CCDC81: variants seen among roughly 807,000 people sequenced by gnomAD.
CCDC81 encodes coiled-coil domain-containing protein 81.
CCDC81 carries 79 observed loss-of-function variants against 83.7 expected under a neutral mutation model. That is an observed-to-expected ratio of 0.94 (90% CI 0.79 to 1.14). The LOEUF is 1.14. Ranked by LOEUF, CCDC81 falls within the 50% of genes most tolerant of loss-of-function variation. CCDC81 has a pLI of 0.00. For synonymous variants in CCDC81, 252 were observed against 278.1 expected, an observed-to-expected ratio of 0.91 and a Z score of 0.93; for missense variants, 791 against 778.1, an observed-to-expected ratio of 1.02 and a Z score of -0.20.
intron 5 of CCDC81, 57 bp downstream of exon 5, chr11:86,395,470 G>A (rs1203252803): frequency 3.1e-6 from 4 of 1,307,594 alleles, no homozygotes; most frequent in Non-Finnish European, 4.4e-6. Flanking sequence ...CTGATCTGCT[G>A]ATCTCATTGG....
chr11:86,406,367 T>C (rs533761775), intron 7 of CCDC81, among the ~76,000 whole-genome samples: 42 of 152,332 alleles, frequency 2.8e-4, no homozygotes, highest in African/African-American at 9.4e-4. Context: ...TGACTATTCT[T>C]AGGAGTCATG....
chr11:86,382,526 C>T (rs10792853), intron 1 of CCDC81, among the ~76,000 whole-genome samples: 64,900 of 151,756 alleles, frequency 0.43, 14,406 homozygotes, highest in African/African-American at 0.54. Flanking sequence ...AGAAAGATTG[C>T]GGTTTTGGGC....
rs1320073768 is a variant in CCDC81, at chr11:86,415,296, T to A, written c.1674T>A (p.Leu558=). Residue 558 remains leucine (L), a synonymous_variant, in exon 13 of 15, where the codon CTT becomes CTA. Transcript: ENST00000445632. ...LVDQRRDLQM[L]QRTQREHLAD... ...ACCAGAGGCGGGATTTGCAAATGCTTCAGAGGACACAAAGAGAGTAAGGAG... is the reference window on the plus strand; with the variant it reads ...ACCAGAGGCGGGATTTGCAAATGCTACAGAGGACACAAAGAGAGTAAGGAG... 1 of 1,613,860 alleles carries A rather than the reference T, an allele frequency of 6.2e-7. No individual in the cohort carries two copies. Among genetic ancestry groups the A allele is most frequent in the Non-Finnish European group, 8.5e-7 (1 of 1,179,934 alleles).
chr11:86,382,466 G>A (rs1948188599), intron 1 of CCDC81, among the ~76,000 whole-genome samples: 2 of 152,132 alleles, frequency 1.3e-5, no homozygotes, highest in Admixed American at 6.5e-5. Context: ...ATAGATAGTG[G>A]TGCCATTCAC....
intron 7 of CCDC81, among the ~76,000 whole-genome samples, chr11:86,402,070 G>A (rs1458722783): frequency 6.8e-6 from 1 of 147,318 alleles, no homozygotes; most frequent in Non-Finnish European, 1.5e-5. Flanking sequence ...GGGAGGTGGA[G>A]GTTGCAGTGA....
rs570874300 is a variant in CCDC81, at chr11:86,380,893, G to T, written c.80-5158G>T. Among the ~76,000 whole-genome samples, 16 of 152,318 alleles carry T rather than the reference G, an allele frequency of 1.1e-4. No individual in the cohort carries two copies. The East Asian group carries it at 3.1e-3, about 29-fold the overall frequency. ...ATATTAGCCATAGTTGTTTTAAATT[G>T]CCAGTGTGATAGTTCCAACATCCCT... is the stretch of plus-strand genomic sequence containing the variant. On this transcript the variant is annotated intron_variant, in intron 1 of 14. Transcript: ENST00000445632.
At chr11:86,389,005 G>A (rs1048785187) in intron 3 of CCDC81, among the ~76,000 whole-genome samples, 16 of 152,084 alleles carry the variant, frequency 1.1e-4, no homozygotes, top group Non-Finnish European at 1.9e-4. Flanking sequence ...GCCGGGCATG[G>A]TGGCACATGC....
intron 6 of CCDC81, among the ~76,000 whole-genome samples, chr11:86,398,330 G>T (rs533960781): frequency 6.6e-6 from 1 of 152,256 alleles, no homozygotes; most frequent in East Asian, 1.9e-4. Flanking sequence ...TAACGCAAAT[G>T]CAGGAAGTGG....
intron 14 of CCDC81, among the ~76,000 whole-genome samples, chr11:86,421,228 T>G (rs1948784376): frequency 6.6e-6 from 1 of 152,204 alleles, no homozygotes; most frequent in African/African-American, 2.4e-5. Context: ...CACATGATAC[T>G]CTGTTCCATT....
chr11:86,386,754 G>A (rs1377980582), intron 2 of CCDC81, among the ~76,000 whole-genome samples: 1 of 152,054 alleles, frequency 6.6e-6, no homozygotes, highest in Admixed American at 6.5e-5. Context: ...CTTAAACTTG[G>A]GAAAAATCAT....
Position 86,375,159 on chromosome 11 carries a change from T to C in CCDC81, c.-5T>C, listed in dbSNP as rs1948082576. 2 of 1,612,860 alleles carry C rather than the reference T, an allele frequency of 1.2e-6. No homozygotes were observed. Among genetic ancestry groups the C allele is most frequent in the Admixed American group, 1.7e-5 (1 of 59,976 alleles). On this transcript the variant is annotated 5_prime_UTR_variant, in exon 1 of 15. Coordinates refer to ENST00000445632, the MANE Select transcript of CCDC81 (RefSeq NM_001156474.2). Reference sequence around the variant, plus strand: ...ATTCAGTACGGAGTCACCTGGAAATTGGAGATGTTGGATACGATCGCCCGT... The same window carrying C: ...ATTCAGTACGGAGTCACCTGGAAATCGGAGATGTTGGATACGATCGCCCGT...
At chr11:86,418,815 T>C (rs1593945344) in intron 13 of CCDC81, among the ~76,000 whole-genome samples, 1 of 152,256 alleles carries the variant, frequency 6.6e-6, no homozygotes, top group East Asian at 1.9e-4. Context: ...TATTTAACAC[T>C]AAGTAACTGT....
At chr11:86,415,342 C>A in intron 13 of CCDC81, 29 bp downstream of exon 13, 1 of 1,535,390 alleles carries the variant, frequency 6.5e-7, no homozygotes, top group Non-Finnish European at 9.0e-7. Context: ...TTTCTCCCTC[C>A]ACTTCTCCTC....
chr11:86,420,015 G>C lies in CCDC81; in HGVS notation c.1779G>C (p.Met593Ile). The C allele has an allele frequency of 6.2e-7, 1 of 1,613,942 alleles. No homozygotes were observed. The highest frequency in any genetic ancestry group is 8.5e-7 in the Non-Finnish European group (1 of 1,179,944). ...AGGACTGGGAAAGGAGTGCTGCGAT[G>C]AAGAAGCAGCGAGACCTGGAGGACA... is the stretch of plus-strand genomic sequence containing the variant. ...LQEDWERSAA[M>I]KKQRDLEDKA... The change falls in exon 14 of 15, where the codon ATG becomes ATC. Residue 593 changes from methionine (M) to isoleucine (I), a missense_variant. By Grantham distance (10) the Met-to-Ile change is conservative. Coordinates refer to ENST00000445632, the MANE Select transcript of CCDC81 (RefSeq NM_001156474.2).
chr11:86,392,763 ATGGAAGTGGGGCTT>A lies in CCDC81; in HGVS notation c.525_538del (p.Ser176LysfsTer6), dbSNP rs1948351310. On this transcript the variant is annotated frameshift_variant, in exon 4 of 15. Coordinates refer to ENST00000445632, the MANE Select transcript of CCDC81 (RefSeq NM_001156474.2). LOFTEE classifies it high-confidence loss of function. ...TATAAAGACTTCCTTTGTACCATGG[ATGGAAGTGGGGCTT>A]TGGCAAAGGCCCTAGCAAATGTAAA... The A allele has an allele frequency of 6.4e-7, 1 of 1,551,464 alleles. No individual in the cohort carries two copies. The highest frequency in any genetic ancestry group is 1.4e-5 in the African/African-American group (1 of 73,040).
In CCDC81 at chr11:86,415,234, A is replaced by T; in HGVS notation, c.1612A>T (p.Asn538Tyr). ...GAAACACCAGCTGGAGGCAGCTGCTAACCACAAGAGGAAAGCCATCCTGCA... is the reference window on the plus strand; with the variant it reads ...GAAACACCAGCTGGAGGCAGCTGCTTACCACAAGAGGAAAGCCATCCTGCA... ...YMKHQLEAAA[N>Y]HKRKAILHQL... is the part of the protein sequence containing the mutation. Residue 538 changes from asparagine (N) to tyrosine (Y), a missense_variant, in exon 13 of 15, where the codon AAC (asparagine) becomes TAC (tyrosine). Transcript: ENST00000445632. 1 of 1,614,208 alleles carries T rather than the reference A, an allele frequency of 6.2e-7. No individual in the cohort carries two copies. The highest frequency in any genetic ancestry group is 8.5e-7 in the Non-Finnish European group (1 of 1,180,026).
intron 13 of CCDC81, 140 bp downstream of exon 13, chr11:86,415,453 G>C (rs1948706187): frequency 1.5e-6 from 1 of 656,274 alleles, no homozygotes; most frequent in Admixed American, 2.8e-5. Flanking sequence ...AACACACTGA[G>C]GAGTTATTTG....
At chr11:86,384,767 C>T (rs377395777) in intron 1 of CCDC81, among the ~76,000 whole-genome samples, 20 of 152,246 alleles carry the variant, frequency 1.3e-4, no homozygotes, top group Admixed American at 4.6e-4. Flanking sequence ...AGAATTAAAA[C>T]GTAACAGTCT....
Position 86,409,255 on chromosome 11 carries a change from C to A in CCDC81, c.1114-6C>A, listed in dbSNP as rs1482254401. 1.6e-5 allele frequency: 20 copies of A among 1,272,702 alleles called. No individual in the cohort carries two copies. Among genetic ancestry groups the A allele is most frequent in the Middle Eastern group, 2.0e-4 (1 of 4,990 alleles). 78.8% of individuals were successfully genotyped at this position (1,272,702 alleles called of 1,614,324 possible). A position where few individuals can be genotyped will look rare whatever the true frequency, so the allele number is the denominator to read the frequency against. ...AAAATAAACTTTTTTTTTTTTTAAA[C>A]AATAGATGAAAAGTCTGGCTACTAG... On this transcript the variant is annotated splice_polypyrimidine_tract_variant and splice_region_variant and intron_variant, in intron 9 of 14. Coordinates refer to ENST00000445632, the MANE Select transcript of CCDC81 (RefSeq NM_001156474.2).
Sources: gnomAD v4.1 joint callset for allele counts (sites outside exome capture counted in the v4.1 genomes callset) on GRCh38, gnomAD v4.1.1 for gene constraint, MANE v1.5 for transcripts, NCBI Gene and HGNC (gene_info 2026-07-23, HGNC 2026-07-21) for gene names.